Variants in MRPL37 observed in about 807,000 individuals in gnomAD.
MRPL37 encodes the protein mitochondrial ribosomal protein L37, also known as large ribosomal subunit protein mL37.
In MRPL37, 34 loss-of-function variants were observed where a neutral mutation model predicts 44.1. That is an observed-to-expected ratio of 0.77 (90% CI 0.59 to 1.03). MRPL37 has a LOEUF of 1.03. Among genes scored for constraint, MRPL37 ranks in the 50% least tolerant of loss-of-function variants. The pLI, the probability that MRPL37 is intolerant of heterozygous loss-of-function variation, is 0.00. For synonymous variants in MRPL37, 212 were observed against 219.5 expected (o/e 0.97, Z 0.30); for missense variants, 532 against 543.7 (o/e 0.98, Z 0.21).
At chr1:54,220,259 G>A (rs1305825107), downstream of MRPL37, among the ~76,000 whole-genome samples, 1 of 152,176 alleles carries the variant, frequency 6.6e-6, no homozygotes, top group Non-Finnish European at 1.5e-5. Context: ...CCCTGAGCGA[G>A]TGGGACGGAG....
chr1:54,209,981 G>T lies in MRPL37; in HGVS notation c.682G>T (p.Ala228Ser). 6.2e-7 allele frequency: 1 copy of T among 1,614,168 alleles called. No homozygotes were observed. Among genetic ancestry groups the T allele is most frequent in the Non-Finnish European group, 8.5e-7 (1 of 1,180,044 alleles). ...LLLQVRGSGG[A>S]RLSTKDPLPT... Reference sequence around the variant, plus strand: ...CCTTCAAGTCCGTGGTTCTGGTGGAGCCCGACTGAGCACTAAGGATCCTCT... The same window carrying T: ...CCTTCAAGTCCGTGGTTCTGGTGGATCCCGACTGAGCACTAAGGATCCTCT... The change falls in exon 4 of 7, where the codon GCC becomes TCC. Residue 228 changes from alanine to serine, a missense_variant. Physicochemically the swap from Ala to Ser is moderately conservative, Grantham distance 99 (BLOSUM62 1). Coordinates refer to ENST00000360840, the MANE Select transcript of MRPL37 (RefSeq NM_016491.4).
chr1:54,222,817 C>G (rs558073775), downstream of MRPL37, among the ~76,000 whole-genome samples: 1 of 152,174 alleles, frequency 6.6e-6, no homozygotes, highest in Non-Finnish European at 1.5e-5. Flanking sequence ...AAATTTAACT[C>G]GCCAGAACAG....
Position 54,200,557 on chromosome 1 carries a change from A to G in MRPL37, c.314A>G (p.Tyr105Cys), listed in dbSNP as rs749824318. 3.1e-6 allele frequency: 5 copies of G among 1,605,200 alleles called. No individual in the cohort carries two copies. Among genetic ancestry groups the G allele is most frequent in the Middle Eastern group, 1.6e-4 (1 of 6,066 alleles). ...CCGCTGTACAAAGACCAGGCCTGCTATATCTTTCACCACCGTTGCCGCCTT... is the reference window on the plus strand; with the variant it reads ...CCGCTGTACAAAGACCAGGCCTGCTGTATCTTTCACCACCGTTGCCGCCTT... ...EHPLYKDQAC[Y>C]IFHHRCRLLE... The change falls in exon 1 of 7, where the codon TAT becomes TGT. Residue 105 changes from tyrosine (Y) to cysteine (C), a missense_variant. Tyr to Cys is a radical substitution (Grantham distance 194). Transcript: ENST00000360840.
chr1:54,205,418 A>T lies in MRPL37; in HGVS notation c.646+8A>T. The T allele has an allele frequency of 1.2e-6, 2 of 1,607,010 alleles. No homozygotes were observed. Among genetic ancestry groups the T allele is most frequent in the Non-Finnish European group, 1.7e-6 (2 of 1,173,840 alleles). On this transcript the variant is annotated splice_region_variant and intron_variant, in intron 3 of 6. Coordinates refer to ENST00000360840, the MANE Select transcript of MRPL37 (RefSeq NM_016491.4). Reference sequence around the variant, plus strand: ...CTGCTACCTGGAACCGAGGTTGGTCATCTTGTACACCAGAAAGCCTTGGTC... The same window carrying T: ...CTGCTACCTGGAACCGAGGTTGGTCTTCTTGTACACCAGAAAGCCTTGGTC...
At chr1:54,216,395 C>CCTGGTGTGAGCCTCAGGTGGGATTG in intron 6 of MRPL37, 51 bp downstream of exon 6, 1 of 1,591,218 alleles carries the variant, frequency 6.3e-7, no homozygotes, top group Non-Finnish European at 8.6e-7. Flanking sequence ...CCTCCTCCTA[C>CCTGGTGTGAGCCTCAGGTGGGATTG]CTGGTGTGAG....
At chr1:54,225,205 A>G, downstream of MRPL37, 1 of 1,234,368 alleles carries the variant, frequency 8.1e-7, no homozygotes, top group Non-Finnish European at 1.0e-6. Flanking sequence ...GCCCCCAAAT[A>G]TTTAAAGTGA....
chr1:54,216,793 G>A (rs1644200961), intron 6 of MRPL37, among the ~76,000 whole-genome samples: 1 of 152,106 alleles, frequency 6.6e-6, no homozygotes, highest in African/African-American at 2.4e-5. Context: ...CCTCAGGTGG[G>A]CTGCCCTGGC....
At chr1:54,219,997 TTAGAG>T (rs1288033355), downstream of MRPL37, among the ~76,000 whole-genome samples, 4 of 152,338 alleles carry the variant, frequency 2.6e-5, no homozygotes, top group East Asian at 1.9e-4. Context: ...TTCATGTATC[TTAGAG>T]TAGTTTTGCC....
chr1:54,206,942 G>A (rs1402028597), intron 3 of MRPL37, among the ~76,000 whole-genome samples: 5 of 151,922 alleles, frequency 3.3e-5, no homozygotes, highest in African/African-American at 1.2e-4. Flanking sequence ...TAGTAGAGAC[G>A]GGGTTTCACT....
chr1:54,205,445 G>C (rs751443304), intron 3 of MRPL37, 35 bp downstream of exon 3: 1 of 1,563,514 alleles, frequency 6.4e-7, no homozygotes, highest in Admixed American at 1.7e-5. Context: ...GCCTTGGTCT[G>C]TTTTTTTTGC....
chr1:54,205,238 G>A (rs1191824562), intron 2 of MRPL37, 37 bp downstream of exon 2: 1 of 1,607,536 alleles, frequency 6.2e-7, no homozygotes, highest in East Asian at 2.2e-5. Context: ...TCCTACTAAT[G>A]GATCTTCGAG....
At chr1:54,203,391 C>T (rs181073980) in intron 1 of MRPL37, among the ~76,000 whole-genome samples, 5 of 150,030 alleles carry the variant, frequency 3.3e-5, no homozygotes, top group Admixed American at 2.7e-4. Context: ...AAAAAACAGG[C>T]GAGGGGATCA....
downstream of MRPL37, among the ~76,000 whole-genome samples, chr1:54,218,706 G>T (rs1161826663): frequency 6.6e-6 from 1 of 152,194 alleles, no homozygotes; most frequent in Non-Finnish European, 1.5e-5. Context: ...CATATTTATT[G>T]TAGATTTCTC....
intron 3 of MRPL37, among the ~76,000 whole-genome samples, chr1:54,208,832 A>G (rs1324524749): frequency 1.3e-5 from 2 of 152,000 alleles, no homozygotes; most frequent in African/African-American, 4.8e-5. Flanking sequence ...CATCTTTGAC[A>G]TGATGTGGAT....
At chr1:54,222,597 T>G (rs981014423), downstream of MRPL37, among the ~76,000 whole-genome samples, 1 of 152,106 alleles carries the variant, frequency 6.6e-6, no homozygotes, top group Non-Finnish European at 1.5e-5. Flanking sequence ...TTTCCTGGTC[T>G]TCTACTCACT....
chr1:54,220,901 T>C, downstream of MRPL37: 1 of 429,400 alleles, frequency 2.3e-6, no homozygotes, highest in South Asian at 1.7e-5. Context: ...CTGTCTCATA[T>C]ATTTAAATTC....
At chr1:54,224,433 C>T (rs1418175563), downstream of MRPL37, among the ~76,000 whole-genome samples, 3 of 152,204 alleles carry the variant, frequency 2.0e-5, no homozygotes, top group African/African-American at 7.2e-5. Context: ...AAGCACTTCA[C>T]GGTGCTAACC....
chr1:54,220,061 G>A (rs186587865), downstream of MRPL37, among the ~76,000 whole-genome samples: 322 of 147,982 alleles, frequency 2.2e-3, 1 homozygote, highest in African/African-American at 7.7e-3. Context: ...TGAGTCAAAC[G>A]TTTTTTTTTT....
intron 3 of MRPL37, 37 bp from the exon 4 acceptor site, chr1:54,209,909 A>C: frequency 1.3e-4 from 211 of 1,598,518 alleles, no homozygotes; most frequent in Middle Eastern, 1.8e-4. Flanking sequence ...GAAAGCCTTT[A>C]GTACCAGGTT....
Sources: allele counts gnomAD v4.1 joint callset (sites outside exome capture counted in the v4.1 genomes callset), GRCh38; gene constraint gnomAD v4.1.1; transcripts MANE v1.5; gene names NCBI Gene and HGNC (gene_info 2026-07-23, HGNC 2026-07-21).